Variants in SIPA1L3 observed in about 807,000 individuals in gnomAD.
SIPA1L3 encodes the protein signal induced proliferation associated 1 like 3.
A neutral mutation model predicts 150.1 loss-of-function variants in SIPA1L3; 59 were observed. The observed-to-expected ratio is 0.39, with a 90% CI of 0.32 to 0.49. The LOEUF (loss-of-function observed/expected upper bound fraction) is 0.49, where lower values mean the gene tolerates loss of function less well. SIPA1L3 is among the 20% of genes least tolerant of loss of function. The pLI, the probability that SIPA1L3 is intolerant of heterozygous loss-of-function variation, is 0.86. For synonymous variants in SIPA1L3, 1,070 were observed against 1,077.6 expected (o/e 0.99, Z 0.14); for missense variants, 2,211 against 2,489.5 (o/e 0.89, Z 2.38).
chr19:38,159,379 G>A (rs1384287451), intron 13 of SIPA1L3, among the ~76,000 whole-genome samples: 5 of 152,222 alleles, frequency 3.3e-5, no homozygotes, highest in Non-Finnish European at 5.9e-5. Flanking sequence ...TGAGTTGGGC[G>A]TATGCTTGGT....
chr19:38,092,319 G>A (rs904579063), intron 4 of SIPA1L3, among the ~76,000 whole-genome samples: 6 of 151,560 alleles, frequency 4.0e-5, no homozygotes, highest in Non-Finnish European at 8.8e-5. Flanking sequence ...AATACCTATG[G>A]AACAAACCTG....
intron 2 of SIPA1L3, among the ~76,000 whole-genome samples, chr19:38,060,844 A>G (rs1969431091): frequency 1.3e-5 from 2 of 152,086 alleles, no homozygotes; most frequent in African/African-American, 4.8e-5. Context: ...GGGGTGTGCC[A>G]CCACACCCAG....
At chr19:38,064,163 A>G (rs1969516127) in intron 2 of SIPA1L3, among the ~76,000 whole-genome samples, 1 of 152,226 alleles carries the variant, frequency 6.6e-6, no homozygotes. Context: ...CAGAACTGGA[A>G]CAAGCTGCTT....
At chr19:37,996,111 A>G (rs939937579) in intron 1 of SIPA1L3, among the ~76,000 whole-genome samples, 2 of 152,106 alleles carry the variant, frequency 1.3e-5, no homozygotes, top group East Asian at 3.9e-4. Context: ...GTGTGTGTGT[A>G]GAGATGGGGT....
At position 38,082,144 on chromosome 19, in the gene SIPA1L3, G is replaced by A. The variant is rs920195334; in HGVS notation, c.579G>A (p.Thr193=). The change falls in exon 3 of 22, where the codon ACG becomes ACA. Residue 193 remains threonine, a synonymous_variant. Transcript: ENST00000222345. ...GGGAGCCGCGGGGGGCCCGGCACAC[G>A]GGGGCGCTGCCCCTCTTCCGCGAGT... ...DAGEPRGARH[T]GALPLFREYG... 3.7e-6 allele frequency: 6 copies of A among 1,605,582 alleles called. No homozygotes were observed. The highest frequency in any genetic ancestry group is 1.7e-5 in the Admixed American group (1 of 59,938).
intron 10 of SIPA1L3, among the ~76,000 whole-genome samples, chr19:38,134,686 C>CA (rs1196734004): frequency 8.3e-6 from 1 of 120,054 alleles, no homozygotes; most frequent in Non-Finnish European, 1.6e-5. Context: ...GCCTGGATGA[C>CA]AGAGCGAGAC....
intron 10 of SIPA1L3, among the ~76,000 whole-genome samples, chr19:38,139,246 G>A (rs979059521): frequency 3.3e-5 from 5 of 152,174 alleles, no homozygotes; most frequent in African/African-American, 1.2e-4. Flanking sequence ...CCTGCTTAGA[G>A]CACATGACAA....
intron 20 of SIPA1L3, among the ~76,000 whole-genome samples, chr19:38,202,744 G>T (rs1238631025): frequency 6.6e-6 from 1 of 152,042 alleles, no homozygotes; most frequent in African/African-American, 2.4e-5. Flanking sequence ...TCTGCCTCAC[G>T]CTCACCCTTC....
At chr19:38,034,566 G>A (rs1228152907) in intron 2 of SIPA1L3, among the ~76,000 whole-genome samples, 3 of 152,106 alleles carry the variant, frequency 2.0e-5, no homozygotes, top group Non-Finnish European at 4.4e-5. Flanking sequence ...TCACTGTCTG[G>A]CCTGGGTTTA....
chr19:38,141,057 CAAA>C (rs551813100), intron 10 of SIPA1L3, 124 bp from the exon 11 acceptor site: 32,849 of 384,508 alleles, frequency 0.085, 6 homozygotes, highest in Middle Eastern at 0.11. Flanking sequence ...GACTCTGTCT[CAAA>C]AAAAAAAAAA....
At chr19:38,093,453 G>T (rs1045383163) in intron 4 of SIPA1L3, among the ~76,000 whole-genome samples, 5 of 152,132 alleles carry the variant, frequency 3.3e-5, no homozygotes, top group Admixed American at 2.6e-4. Context: ...GAACTGTGTT[G>T]TGGGCTCGGT....
At position 37,962,463 on chromosome 19, in the gene SIPA1L3, C is replaced by CTTTTTTTTTTTTTTT. The variant is rs71177491; in HGVS notation, c.-379+55114_-379+55128dup. Among the ~76,000 whole-genome samples, 27 of 73,098 alleles carry CTTTTTTTTTTTTTTT rather than the reference C, an allele frequency of 3.7e-4. 2 individuals carry two copies. Among genetic ancestry groups the CTTTTTTTTTTTTTTT allele is most frequent in the East Asian group, 3.1e-3 (5 of 1,606 alleles). 48.0% of individuals were successfully genotyped at this position (73,098 alleles called of 152,430 possible). On this transcript the variant is annotated intron_variant, in intron 1 of 21. Transcript: ENST00000222345. ...TTGGCCATGAGCCACTGCAGCCGGC[C>CTTTTTTTTTTTTTTT]TTTTTTTTTTTTTTTTTTTTTTTGA...
intron 1 of SIPA1L3, among the ~76,000 whole-genome samples, chr19:37,978,397 C>T (rs888232038): frequency 6.6e-6 from 1 of 152,166 alleles, no homozygotes; most frequent in Non-Finnish European, 1.5e-5. Flanking sequence ...TAATAATAGC[C>T]ACCACTTTCC....
intron 1 of SIPA1L3, among the ~76,000 whole-genome samples, chr19:37,980,677 G>C (rs999420728): frequency 1.3e-5 from 2 of 151,574 alleles, no homozygotes; most frequent in Non-Finnish European, 2.9e-5. Flanking sequence ...TGGAGGAACC[G>C]TGCCTTTAAT....
rs1281933270 is a variant in SIPA1L3, at chr19:38,206,152, A to G, written c.5258A>G (p.Asn1753Ser). ...GAGGTGGCCAGCCTGCGGCAGAACA[A>G]CCAGCGGCTGCAGGAGGAGTCGCAG... ...QSEVASLRQNNQRLQEESQAA... is the reference protein window; with the variant it reads ...QSEVASLRQNSQRLQEESQAA... Residue 1753 changes from asparagine (N) to serine (S), a missense_variant, in exon 22 of 22, where the codon AAC becomes AGC. This residue lies in a region of SIPA1L3 where 63 missense variants were observed against 106.1 expected (regional missense o/e 0.59). Coordinates refer to ENST00000222345, the MANE Select transcript of SIPA1L3 (RefSeq NM_015073.3). 1 of 1,551,558 alleles carries G rather than the reference A, an allele frequency of 6.4e-7. No homozygotes were observed. Among genetic ancestry groups the G allele is most frequent in the Non-Finnish European group, 8.7e-7 (1 of 1,147,078 alleles).
intron 7 of SIPA1L3, 73 bp from the exon 8 acceptor site, chr19:38,110,154 G>T: frequency 6.9e-7 from 1 of 1,454,104 alleles, no homozygotes; most frequent in South Asian, 1.2e-5. Flanking sequence ...GGGGAGCTGT[G>T]GCAGTGGTCC....
intron 2 of SIPA1L3, among the ~76,000 whole-genome samples, chr19:38,076,797 C>T (rs1197907622): frequency 1.3e-5 from 2 of 152,082 alleles, no homozygotes; most frequent in Non-Finnish European, 2.9e-5. Flanking sequence ...TGAGGACCAT[C>T]GTAAAAAATG....
intron 2 of SIPA1L3, among the ~76,000 whole-genome samples, chr19:38,064,920 A>G (rs1202741526): frequency 6.6e-6 from 1 of 152,124 alleles, no homozygotes; most frequent in East Asian, 1.9e-4. Context: ...ACCAAGATAG[A>G]CTTTGCTTCT....
intron 2 of SIPA1L3, among the ~76,000 whole-genome samples, chr19:38,032,332 C>T (rs66659026): frequency 0.19 from 28,922 of 152,118 alleles, 3,407 homozygotes; most frequent in African/African-American, 0.33. Flanking sequence ...AAGAACGGCA[C>T]TTTTCCTACG....
Sources: gnomAD v4.1 joint callset for allele counts (sites outside exome capture counted in the v4.1 genomes callset) on GRCh38, gnomAD v4.1.1 for gene constraint, gnomAD v4.1.1 regional missense constraint, MANE v1.5 for transcripts, NCBI Gene and HGNC (gene_info 2026-07-23, HGNC 2026-07-21) for gene names.